Variants in TMEM132D observed in about 807,000 individuals in gnomAD.
TMEM132D encodes the protein mature OL transmembrane protein.
TMEM132D carries 21 observed loss-of-function variants against 62.3 expected under a neutral mutation model. That is an observed-to-expected ratio of 0.34 (90% CI 0.24 to 0.49). The LOEUF is 0.49. TMEM132D is among the 20% of genes least tolerant of loss of function. The pLI is 0.99. For synonymous variants in TMEM132D, 621 were observed against 575.6 expected, an observed-to-expected ratio of 1.08 and a Z score of -1.13; for missense variants, 1,346 against 1,402.8, an observed-to-expected ratio of 0.96 and a Z score of 0.65.
intron 1 of TMEM132D, among the ~76,000 whole-genome samples, chr12:129,767,950 C>T (rs904430742): frequency 3.3e-5 from 5 of 150,608 alleles, no homozygotes; most frequent in Admixed American, 6.7e-5. Flanking sequence ...TGGCAGCAGA[C>T]AAGTGAACAG....
chr12:129,537,868 C>T (rs1876446660), intron 2 of TMEM132D, among the ~76,000 whole-genome samples: 4 of 152,180 alleles, frequency 2.6e-5, no homozygotes, highest in Admixed American at 2.6e-4. Flanking sequence ...ATTAATAGAA[C>T]ATTAAAATCC....
intron 3 of TMEM132D, among the ~76,000 whole-genome samples, chr12:129,407,990 C>T (rs1313453009): frequency 6.6e-6 from 1 of 152,084 alleles, no homozygotes; most frequent in Non-Finnish European, 1.5e-5. Flanking sequence ...AGCCTAACTT[C>T]ACCCCACCTC....
intron 1 of TMEM132D, among the ~76,000 whole-genome samples, chr12:129,734,086 C>T (rs1869341459): frequency 1.3e-5 from 2 of 152,116 alleles, no homozygotes; most frequent in East Asian, 1.9e-4. Flanking sequence ...CTCGTTTGCT[C>T]AAGACTGAAA....
intron 4 of TMEM132D, among the ~76,000 whole-genome samples, chr12:129,230,278 A>G (rs1270538425): frequency 6.9e-6 from 1 of 145,602 alleles, no homozygotes. Context: ...CAGCCTAGCC[A>G]TCCCCTTCCT....
Position 129,567,850 on chromosome 12 carries a change from A to G in TMEM132D, c.969-36645T>C, listed in dbSNP as rs767060672. ...AACAAATGACTTTGCAGAATCTCCA[A>G]TAGTTCTGAACAGAATAAAAGGAGC... is the stretch of plus-strand genomic sequence containing the variant. On this transcript the variant is annotated intron_variant, in intron 2 of 8. Transcript: ENST00000422113. Among the ~76,000 whole-genome samples the G allele has an allele frequency of 4.6e-5, 7 of 152,296 alleles. No individual in the cohort carries two copies. In the East Asian group the frequency reaches 9.6e-4, roughly 21 times the overall value.
At chr12:129,318,096 C>G (rs1031020998) in intron 4 of TMEM132D, among the ~76,000 whole-genome samples, 23 of 152,078 alleles carry the variant, frequency 1.5e-4, no homozygotes, top group African/African-American at 5.3e-4. Flanking sequence ...TTCTCTGGTC[C>G]CTCCCTTATT....
At chr12:129,757,266 A>G (rs886471353) in intron 1 of TMEM132D, among the ~76,000 whole-genome samples, 14 of 152,158 alleles carry the variant, frequency 9.2e-5, no homozygotes, top group African/African-American at 3.4e-4. Context: ...AGAAATTACT[A>G]ATGCTTGTGG....
intron 2 of TMEM132D, among the ~76,000 whole-genome samples, chr12:129,687,119 C>T (rs376706488): frequency 1.2e-4 from 18 of 152,064 alleles, no homozygotes; most frequent in Non-Finnish European, 1.9e-4. Flanking sequence ...GCAGAGTCTC[C>T]GGGGCCTTGT....
chr12:129,457,657 G>A (rs1277944174), intron 3 of TMEM132D, among the ~76,000 whole-genome samples: 1 of 152,036 alleles, frequency 6.6e-6, no homozygotes, highest in Non-Finnish European at 1.5e-5. Flanking sequence ...AAGCATGGCT[G>A]GGAGGCCCCA....
chr12:129,273,170 T>C (rs1230851843), intron 4 of TMEM132D, among the ~76,000 whole-genome samples: 1 of 151,676 alleles, frequency 6.6e-6, no homozygotes, highest in African/African-American at 2.4e-5. Context: ...CACGCCAGAC[T>C]GGGTGACAGA....
intron 1 of TMEM132D, among the ~76,000 whole-genome samples, chr12:129,801,795 A>C (rs1262897027): frequency 6.8e-6 from 1 of 147,998 alleles, no homozygotes; most frequent in African/African-American, 2.5e-5. Context: ...TTTGAAAAAA[A>C]TTTAGAAGAA....
At chr12:129,205,886 A>G (rs1473578336) in intron 5 of TMEM132D, among the ~76,000 whole-genome samples, 1 of 152,194 alleles carries the variant, frequency 6.6e-6, no homozygotes, top group Admixed American at 6.5e-5. Flanking sequence ...TCATAAAATT[A>G]CATGGAAGTT....
At chr12:129,738,351 G>A (rs1475501188) in intron 1 of TMEM132D, among the ~76,000 whole-genome samples, 3 of 151,538 alleles carry the variant, frequency 2.0e-5, no homozygotes, top group East Asian at 3.9e-4. Flanking sequence ...CGAAAGAAAC[G>A]GAGAAGAAAA....
chr12:129,234,127 C>T lies in TMEM132D; in HGVS notation c.1300-24464G>A, dbSNP rs74381126. Among the ~76,000 whole-genome samples, 482 of 152,174 alleles carry T rather than the reference C, an allele frequency of 3.2e-3. 3 individuals are homozygous for T. The highest frequency in any genetic ancestry group is 0.011 in the African/African-American group (458 of 41,504). ...TTAGAAGTTGACATTTAGAAAACTTCATAAAAGTGATTGCAGGAGAAAATA... is the reference window on the plus strand; with the variant it reads ...TTAGAAGTTGACATTTAGAAAACTTTATAAAAGTGATTGCAGGAGAAAATA... On this transcript the variant is annotated intron_variant, in intron 4 of 8. Transcript: ENST00000422113.
chr12:129,121,288 G>A (rs572101517), intron 5 of TMEM132D, among the ~76,000 whole-genome samples: 9 of 152,140 alleles, frequency 5.9e-5, no homozygotes, highest in African/African-American at 2.2e-4. Context: ...TAGAGACAGG[G>A]TTTTAACATG....
intron 5 of TMEM132D, among the ~76,000 whole-genome samples, chr12:129,162,520 C>A (rs1403622857): frequency 6.6e-6 from 1 of 152,172 alleles, no homozygotes; most frequent in Admixed American, 6.5e-5. Context: ...ATGTCCCCTC[C>A]AATTCTCATG....
chr12:129,323,302 T>C (rs562912779), intron 4 of TMEM132D, among the ~76,000 whole-genome samples: 2 of 152,292 alleles, frequency 1.3e-5, no homozygotes, highest in Admixed American at 1.3e-4. Context: ...GATCTAGGCA[T>C]AATATTCTCT....
chr12:129,243,721 A>C (rs1011325336), intron 4 of TMEM132D, among the ~76,000 whole-genome samples: 2 of 152,222 alleles, frequency 1.3e-5, no homozygotes, highest in African/African-American at 4.8e-5. Flanking sequence ...AATTTAATGC[A>C]AAGTAAATTA....
In TMEM132D at chr12:129,898,104, G is replaced by A. The variant is rs185269609; in HGVS notation, c.79+5157C>T. 1.5e-4 allele frequency among the ~76,000 whole-genome samples: 23 copies of A among 152,230 alleles called. No individual in the cohort carries two copies. In the East Asian group the frequency reaches 3.1e-3, roughly 20 times the overall value. On this transcript the variant is annotated intron_variant, in intron 1 of 8. Coordinates refer to ENST00000422113, the MANE Select transcript of TMEM132D (RefSeq NM_133448.3). ...AAAAATTATCCTCATAAGTCACTCC[G>A]CACAGTGCCTGCCATACAACAATTA...
Sources: allele counts gnomAD v4.1 joint callset (sites outside exome capture counted in the v4.1 genomes callset), GRCh38; gene constraint gnomAD v4.1.1; transcripts MANE v1.5; gene names NCBI Gene and HGNC (gene_info 2026-07-23, HGNC 2026-07-21).